Variants in EPPK1 observed in about 807,000 individuals in gnomAD.
EPPK1 encodes the protein epiplakin 1.
For missense variants in EPPK1, 3,823 were observed against 3,673.3 expected (o/e 1.04, Z -1.05); for synonymous variants, 1,862 against 1,721.2 (o/e 1.08, Z -2.03).
Position 143,867,859 on chromosome 8 carries a change from G to A in EPPK1, c.5395C>T (p.Leu1799=). ...FADQVVSFWD[L]LSSPYFTEDR... ...TCTGTGAAGTATGGAGAGGACAGCA[G>A]GTCCCAGAAAGAGACCACCTGGTCA... The change falls in exon 2 of 2, where the codon CTG becomes TTG. Residue 1799 remains leucine, a synonymous_variant. Transcript: ENST00000615648. 3 of 1,613,242 alleles carry A rather than the reference G, an allele frequency of 1.9e-6. No homozygotes were observed. Among genetic ancestry groups the A allele is most frequent in the Non-Finnish European group, 2.5e-6 (3 of 1,179,642 alleles).
Position 143,867,385 on chromosome 8 carries a change from C to G in EPPK1, c.5869G>C (p.Val1957Leu). The G allele has an allele frequency of 6.2e-7, 1 of 1,612,950 alleles. No individual in the cohort carries two copies. The highest frequency in any genetic ancestry group is 1.1e-5 in the South Asian group (1 of 91,088). ...CGCAGCTCCTCGTTCACCAGGCCCA[C>G]ATCCACAGCCTCATCCACAGAGAGC... Reference protein sequence around the residue: ...QKLSVDEAVDVGLVNEELRER... With the variant: ...QKLSVDEAVDLGLVNEELRER... The change falls in exon 2 of 2, where the codon GTG (valine) becomes CTG (leucine). Residue 1957 changes from valine to leucine, a missense_variant. Val to Leu is a conservative substitution (Grantham distance 32, BLOSUM62 1). Coordinates refer to ENST00000615648, the MANE Select transcript of EPPK1 (RefSeq NM_031308.4).
In EPPK1 at chr8:143,871,950, G is replaced by A. The variant is rs782327885; in HGVS notation, c.1304C>T (p.Ala435Val). ...DEDTQRQLSQ[A>V]GSFSDGTHGG... is the part of the protein sequence containing the mutation. ...GTGCGTGCCGTCTGAGAAGCTGCCAGCCTGCGAGAGCTGCCGCTGAGTGTC... is the reference window on the plus strand; with the variant it reads ...GTGCGTGCCGTCTGAGAAGCTGCCAACCTGCGAGAGCTGCCGCTGAGTGTC... Residue 435 changes from alanine (A) to valine (V), a missense_variant, in exon 2 of 2, where the codon GCT becomes GTT. By Grantham distance (64) the Ala-to-Val change is moderately conservative. Transcript: ENST00000615648. The A allele has an allele frequency of 6.2e-7, 1 of 1,600,154 alleles. No homozygotes were observed. The highest frequency in any genetic ancestry group is 1.3e-5 in the African/African-American group (1 of 74,862).
chr8:143,876,288 G>T (rs1819476238), intron 1 of EPPK1, among the ~76,000 whole-genome samples: 1 of 152,160 alleles, frequency 6.6e-6, no homozygotes. Flanking sequence ...AGAGGACCTG[G>T]TCACACCTGA....
rs1554661900 is a variant in EPPK1, at chr8:143,873,207, C to T, written c.47G>A (p.Ser16Asn). 1.3e-6 allele frequency: 2 copies of T among 1,583,188 alleles called. No homozygotes were observed. Among genetic ancestry groups the T allele is most frequent in the Admixed American group, 3.8e-5 (2 of 52,464 alleles). The change falls in exon 2 of 2, where the codon AGC becomes AAC. Residue 16 changes from serine (S) to asparagine (N), a missense_variant. Ser to Asn is a conservative substitution (Grantham distance 46). Transcript: ENST00000615648. Reference protein sequence around the residue: ...LPPLPVPGTNSTEQASVPRAM... With the variant: ...LPPLPVPGTNNTEQASVPRAM... ...TCTGGGTACACTGGCCTGCTCTGTG[C>T]TGTTGGTGCCTGGGACGGGAAGAGG...
At position 143,869,923 on chromosome 8, in the gene EPPK1, G is replaced by A. The variant is rs1293576913; in HGVS notation, c.3331C>T (p.His1111Tyr). 1.2e-5 allele frequency: 19 copies of A among 1,608,934 alleles called. No homozygotes were observed. In the Admixed American group the frequency reaches 2.0e-4, roughly 17 times the overall value. The change falls in exon 2 of 2, where the codon CAC becomes TAC. Residue 1111 changes from histidine to tyrosine, a missense_variant. Transcript: ENST00000615648. The stretch of plus-strand genomic sequence containing the variant: ...GCACTTTCTGGCAGGGGCAGGAGGT[G>A]AAGGCCAGAAGTCTCATCCCTGGGG... ...ECPRDETSGL[H>Y]LLPLPESAPA...
At position 143,873,061 on chromosome 8, in the gene EPPK1, G is replaced by T; in HGVS notation, c.193C>A (p.Leu65Ile). The T allele has an allele frequency of 6.4e-7, 1 of 1,559,238 alleles. No homozygotes were observed. Among genetic ancestry groups the T allele is most frequent in the Non-Finnish European group, 8.7e-7 (1 of 1,152,132 alleles). ...QSVYAAMEQGLLPAGLGQALL... is the reference protein window; with the variant it reads ...QSVYAAMEQGILPAGLGQALL... ...GCCTGCCCGAGCCCAGCAGGCAGGA[G>T]GCCCTGCTCCATGGCGGCGTAGACA... Residue 65 changes from leucine (L) to isoleucine (I), a missense_variant, in exon 2 of 2, where the codon CTC becomes ATC. Transcript: ENST00000615648.
intron 1 of EPPK1, 83 bp from the exon 2 acceptor site, chr8:143,873,381 T>C: frequency 8.7e-6 from 9 of 1,039,586 alleles, no homozygotes; most frequent in Non-Finnish European, 1.2e-5. Flanking sequence ...GGCAATCCCA[T>C]GCTGTCCCGG....
rs1554659461 is a variant in EPPK1, at chr8:143,867,399, T to C, written c.5855A>G (p.Asp1952Gly). The change falls in exon 2 of 2, where the codon GAT becomes GGT. Residue 1952 changes from aspartate to glycine, a missense_variant. Physicochemically the swap from Asp to Gly is moderately conservative, Grantham distance 94. Transcript: ENST00000615648. Reference protein sequence around the residue: ...DPCTRQKLSVDEAVDVGLVNE... With the variant: ...DPCTRQKLSVGEAVDVGLVNE... ...CACCAGGCCCACATCCACAGCCTCA[T>C]CCACAGAGAGCTTCTGGCGGGTGCA... is the stretch of plus-strand genomic sequence containing the variant. The C allele has an allele frequency of 6.2e-7, 1 of 1,612,834 alleles. No homozygotes were observed. Among genetic ancestry groups the C allele is most frequent in the Admixed American group, 1.7e-5 (1 of 60,020 alleles).
chr8:143,873,192 C>T lies in EPPK1; in HGVS notation c.62G>A (p.Ser21Asn). ...CGTGGCTGCCATGGCTCTGGGTACA[C>T]TGGCCTGCTCTGTGCTGTTGGTGCC... ...VPGTNSTEQA[S>N]VPRAMAATLG... The change falls in exon 2 of 2, where the codon AGT becomes AAT. Residue 21 changes from serine to asparagine, a missense_variant. Transcript: ENST00000615648. The T allele has an allele frequency of 6.3e-7, 1 of 1,592,242 alleles. No individual in the cohort carries two copies. Among genetic ancestry groups the T allele is most frequent in the Non-Finnish European group, 8.5e-7 (1 of 1,172,462 alleles).
rs782217382 is a variant in EPPK1, at chr8:143,869,351, C to T, written c.3903G>A (p.Glu1301=). Residue 1301 remains glutamate (E), a synonymous_variant, in exon 2 of 2, where the codon GAG becomes GAA. Transcript: ENST00000615648. ...DPLNNQRLSV[E]DAVKVGLVGR... Reference sequence around the variant, plus strand: ...CCACCAGGCCGACCTTAACCGCGTCCTCCACTGACAGTCTCTGGTTGTTCA... The same window carrying T: ...CCACCAGGCCGACCTTAACCGCGTCTTCCACTGACAGTCTCTGGTTGTTCA... The T allele has an allele frequency of 3.1e-6, 5 of 1,610,552 alleles. No individual in the cohort carries two copies. Among genetic ancestry groups the T allele is most frequent in the Non-Finnish European group, 8.5e-7 (1 of 1,178,956 alleles).
chr8:143,878,530 C>T (rs1409352705), upstream of EPPK1: 2 of 143,176 alleles, frequency 1.4e-5, no homozygotes, highest in Non-Finnish European at 3.1e-5. Context: ...TAGGGCGGCG[C>T]CCAGGTCGGG....
At position 143,864,150 on chromosome 8, in the gene EPPK1, TG is replaced by T. The variant is rs1232177013; in HGVS notation, c.9103del (p.Gln3035ArgfsTer47). The T allele has an allele frequency of 1.3e-5, 3 of 225,386 alleles. No homozygotes were observed. Among genetic ancestry groups the T allele is most frequent in the South Asian group, 1.8e-4 (1 of 5,452 alleles). The allele number at this position is 225,386 out of a possible 1,614,324, so 14.0% of individuals were successfully genotyped here. On this transcript the variant is annotated frameshift_variant, in exon 2 of 2. Transcript: ENST00000615648. LOFTEE classifies it low-confidence loss of function (END_TRUNC). ...CCCGGCCTCGGCCTCGGCCCGGGCCTGGGCCTGGGCCTGGGCCAGCAGCGAG... is the reference window on the plus strand; with the variant it reads ...CCCGGCCTCGGCCTCGGCCCGGGCCTGGCCTGGGCCTGGGCCAGCAGCGAG... Reference protein sequence around the residue: ...LTSLLAQAQAQARAEAEAGSP... With the variant: ...LTSLLAQAQAXARAEAEAGSP...
intron 1 of EPPK1, among the ~76,000 whole-genome samples, chr8:143,873,979 T>C (rs577382574): frequency 3.9e-5 from 6 of 152,310 alleles, no homozygotes; most frequent in Non-Finnish European, 8.8e-5. Flanking sequence ...CATCCTCCTC[T>C]GCCTGTCCTG....
At chr8:143,877,475 C>T (rs543110011) in intron 1 of EPPK1, among the ~76,000 whole-genome samples, 21 of 152,274 alleles carry the variant, frequency 1.4e-4, no homozygotes, top group African/African-American at 4.1e-4. Context: ...AGGGCCCCTC[C>T]TGTGGATTCC....
At position 143,868,205 on chromosome 8, in the gene EPPK1, G is replaced by A. The variant is rs1422827725; in HGVS notation, c.5049C>T (p.Ala1683=). The part of the protein sequence containing the change: ...VREHGIRLLE[A]QIATGGIIDP... ...CGATGATGCCGCCCGTGGCGATCTG[G>A]GCCTCCAGCAGGCGGATGCCGTGCT... Residue 1683 remains alanine, a synonymous_variant, in exon 2 of 2, where the codon GCC becomes GCT. Coordinates refer to ENST00000615648, the MANE Select transcript of EPPK1 (RefSeq NM_031308.4). The A allele has an allele frequency of 1.2e-6, 2 of 1,612,886 alleles. No homozygotes were observed. Among genetic ancestry groups the A allele is most frequent in the African/African-American group, 1.3e-5 (1 of 74,894 alleles).
chr8:143,867,669 G>A lies in EPPK1; in HGVS notation c.5585C>T (p.Ser1862Phe). Residue 1862 changes from serine (S) to phenylalanine (F), a missense_variant, in exon 2 of 2, where the codon TCC (serine) becomes TTC (phenylalanine). By Grantham distance (155) the Ser-to-Phe change is radical. Coordinates refer to ENST00000615648, the MANE Select transcript of EPPK1 (RefSeq NM_031308.4). Reference protein sequence around the residue: ...GEVTAADLFNSRVIDQKTLHT... With the variant: ...GEVTAADLFNFRVIDQKTLHT... Reference sequence around the variant, plus strand: ...CAGGGTCTTCTGATCGATGACCCTGGAGTTGAACAGGTCTGCAGCTGTCAC... The same window carrying A: ...CAGGGTCTTCTGATCGATGACCCTGAAGTTGAACAGGTCTGCAGCTGTCAC... The A allele has an allele frequency of 1.9e-6, 3 of 1,613,502 alleles. No individual in the cohort carries two copies. Among genetic ancestry groups the A allele is most frequent in the Non-Finnish European group, 2.5e-6 (3 of 1,179,852 alleles).
At chr8:143,874,068 C>T (rs1435332681) in intron 1 of EPPK1, among the ~76,000 whole-genome samples, 6 of 152,256 alleles carry the variant, frequency 3.9e-5, no homozygotes, top group Non-Finnish European at 8.8e-5. Context: ...GCCGCAGGCT[C>T]AGCAGACGTG....
In EPPK1 at chr8:143,870,646, C is replaced by A; in HGVS notation, c.2608G>T (p.Ala870Ser). Reference protein sequence around the residue: ...TLGQVAKLLEAETQRQADIML... With the variant: ...TLGQVAKLLESETQRQADIML... ...ATGTCCGCCTGTCTCTGCGTCTCCG[C>A]CTCCAGCAGCTTTGCCACCTGCCCC... Residue 870 changes from alanine to serine, a missense_variant, in exon 2 of 2, where the codon GCG (alanine) becomes TCG (serine). Ala to Ser is a moderately conservative substitution (Grantham distance 99). Transcript: ENST00000615648. The surrounding 1 kb of genome is among the most constrained non-coding windows in gnomAD (Gnocchi z 5.2). The A allele has an allele frequency of 5.6e-6, 9 of 1,606,714 alleles. No homozygotes were observed. The highest frequency in any genetic ancestry group is 7.6e-6 in the Non-Finnish European group (9 of 1,177,446).
In EPPK1 at chr8:143,857,789, A is replaced by G; in HGVS notation, c.*198T>C. On this transcript the variant is annotated 3_prime_UTR_variant, in exon 2 of 2. Coordinates refer to ENST00000615648, the MANE Select transcript of EPPK1 (RefSeq NM_031308.4). ...TAGACGACCCAGAAAACACACCAAA[A>G]AACTTATGAAACACCTCGATGGACA... 1 of 502,446 alleles carries G rather than the reference A, an allele frequency of 2.0e-6. No individual in the cohort carries two copies. The highest frequency in any genetic ancestry group is 3.4e-6 in the Non-Finnish European group (1 of 295,068). 31.1% of individuals were successfully genotyped at this position (502,446 alleles called of 1,614,324 possible).
Sources: gnomAD v4.1 joint callset for allele counts (sites outside exome capture counted in the v4.1 genomes callset) on GRCh38, gnomAD v4.1.1 for gene constraint, Gnocchi (gnomAD v3.1) non-coding constraint, MANE v1.5 for transcripts, NCBI Gene and HGNC (gene_info 2026-07-23, HGNC 2026-07-21) for gene names.